RIPOR3: variants seen among roughly 807,000 people sequenced by gnomAD.
RIPOR3 encodes the protein family with sequence similarity 65 member C.
RIPOR3 carries 95 observed loss-of-function variants against 114.3 expected under a neutral mutation model. The ratio of observed to expected loss-of-function variants is 0.83; its 90% confidence interval spans 0.70 to 0.99. RIPOR3 has a LOEUF of 0.99. Ranked by LOEUF, RIPOR3 falls within the 50% of genes least tolerant of loss-of-function variation. RIPOR3 has a pLI of 0.00. For missense variants in RIPOR3, 1,252 were observed against 1,266.9 expected, an observed-to-expected ratio of 0.99 and a Z score of 0.18; for synonymous variants, 575 against 543.8, an observed-to-expected ratio of 1.06 and a Z score of -0.80.
At chr20:50,637,174 G>A (rs1038816960) in intron 1 of RIPOR3, among the ~76,000 whole-genome samples, 1 of 152,080 alleles carries the variant, frequency 6.6e-6, no homozygotes, top group African/African-American at 2.4e-5. Flanking sequence ...TCATTTTACC[G>A]ATGTCAAGAC....
chr20:50,687,656 C>G (rs1460441404), intron 1 of RIPOR3, among the ~76,000 whole-genome samples: 3 of 152,136 alleles, frequency 2.0e-5, no homozygotes, highest in Admixed American at 6.5e-5. Context: ...AATCCCAACA[C>G]TTTGGGAGGC....
At chr20:50,648,542 G>A (rs1362708142) in intron 1 of RIPOR3, among the ~76,000 whole-genome samples, 1 of 151,902 alleles carries the variant, frequency 6.6e-6, no homozygotes. Flanking sequence ...GGTGGTTTTG[G>A]GGTGATTCAA....
At chr20:50,642,838 C>CA (rs2085253547) in intron 1 of RIPOR3, among the ~76,000 whole-genome samples, 1 of 152,080 alleles carries the variant, frequency 6.6e-6, no homozygotes, top group Non-Finnish European at 1.5e-5. Context: ...CACCTGAGGT[C>CA]AGGAGTTCGA....
intron 1 of RIPOR3, chr20:50,661,878 G>A (rs2086008701): frequency 6.6e-6 from 1 of 152,490 alleles, no homozygotes; most frequent in African/African-American, 2.4e-5. Flanking sequence ...ACATTCACTC[G>A]ACAGGCAGGC....
chr20:50,615,955 C>A, intron 4 of RIPOR3, 47 bp downstream of exon 4: 1 of 1,556,476 alleles, frequency 6.4e-7, no homozygotes. Context: ...ATCTTTTACT[C>A]CTGGCCAAGG....
intron 3 of RIPOR3, among the ~76,000 whole-genome samples, chr20:50,618,541 C>T (rs182134876): frequency 6.6e-6 from 1 of 152,256 alleles, no homozygotes; most frequent in East Asian, 1.9e-4. Flanking sequence ...TCCAATGTCA[C>T]CTTCTTAGCA....
intron 1 of RIPOR3, among the ~76,000 whole-genome samples, chr20:50,668,830 C>T (rs2086351136): frequency 6.6e-6 from 1 of 151,748 alleles, no homozygotes; most frequent in Non-Finnish European, 1.5e-5. Context: ...GCCCTCCAGC[C>T]TGGGCAACAG....
intron 1 of RIPOR3, among the ~76,000 whole-genome samples, chr20:50,670,369 C>CCCCA (rs1361814826): frequency 2.1e-5 from 3 of 145,950 alleles, no homozygotes; most frequent in Non-Finnish European, 3.0e-5. Context: ...ACACCCCCAC[C>CCCCA]CCCACCCACC....
rs112931001 is a variant in RIPOR3, at chr20:50,665,722, T to C, written c.3+25404A>G. On this transcript the variant is annotated intron_variant, in intron 1 of 21. Transcript: ENST00000327979. Reference sequence around the variant, plus strand: ...GGCATGAGCCACTGTGCCTGCCGGGTGGGTTTCTTATGGCGAATGATCCCA... The same window carrying C: ...GGCATGAGCCACTGTGCCTGCCGGGCGGGTTTCTTATGGCGAATGATCCCA... Among the ~76,000 whole-genome samples the C allele has an allele frequency of 6.8e-3, 1,032 of 152,050 alleles. 22 individuals are homozygous for C. The highest frequency in any genetic ancestry group is 0.023 in the African/African-American group (968 of 41,480).
intron 1 of RIPOR3, among the ~76,000 whole-genome samples, chr20:50,661,779 T>G (rs939028365): frequency 6.6e-6 from 1 of 152,156 alleles, no homozygotes; most frequent in Non-Finnish European, 1.5e-5. Flanking sequence ...GAAGCTGGCC[T>G]GGGGCAGAGA....
At position 50,595,414 on chromosome 20, in the gene RIPOR3, C is replaced by A. The variant is rs934594238; in HGVS notation, c.2005G>T (p.Val669Phe). 1 of 1,614,188 alleles carries A rather than the reference C, an allele frequency of 6.2e-7. No individual in the cohort carries two copies. Among genetic ancestry groups the A allele is most frequent in the Non-Finnish European group, 8.5e-7 (1 of 1,180,024 alleles). Residue 669 changes from valine to phenylalanine, a missense_variant, in exon 16 of 22, where the codon GTC (valine) becomes TTC (phenylalanine). Transcript: ENST00000327979. The stretch of plus-strand genomic sequence containing the variant: ...TTGCCGACCTTCTCAAAGTCAAGGA[C>A]AGAAAGTGTCTCCAGAACGTGCTTT... ...QQKHVLETLS[V>F]LDFEKVGKAT...
At chr20:50,676,768 A>AAT (rs1568961079) in intron 1 of RIPOR3, among the ~76,000 whole-genome samples, 4 of 139,886 alleles carry the variant, frequency 2.9e-5, no homozygotes, top group Non-Finnish European at 1.5e-5. Context: ...TCCAGATTCT[A>AAT]CTTTTTTTTT....
chr20:50,676,976 A>G (rs948628837), intron 1 of RIPOR3, among the ~76,000 whole-genome samples: 9 of 152,146 alleles, frequency 5.9e-5, no homozygotes, highest in South Asian at 2.1e-4. Context: ...CATTGTGCCA[A>G]TGTCTGGAAG....
chr20:50,655,630 T>G (rs2085781698), intron 1 of RIPOR3, among the ~76,000 whole-genome samples: 1 of 152,060 alleles, frequency 6.6e-6, no homozygotes, highest in Non-Finnish European at 1.5e-5. Flanking sequence ...TTTTGGCTAC[T>G]GCTGGGTTTT....
intron 13 of RIPOR3, among the ~76,000 whole-genome samples, chr20:50,598,208 C>T (rs902373174): frequency 2.0e-5 from 3 of 150,916 alleles, no homozygotes; most frequent in Admixed American, 6.6e-5. Flanking sequence ...CGCTTCTTCA[C>T]GAGGCTCAGA....
At position 50,610,888 on chromosome 20, in the gene RIPOR3, T is replaced by C. The variant is rs1191883783; in HGVS notation, c.391A>G (p.Arg131Gly). The C allele has an allele frequency of 1.9e-6, 3 of 1,614,082 alleles. No individual in the cohort carries two copies. Among genetic ancestry groups the C allele is most frequent in the East Asian group, 2.2e-5 (1 of 44,888 alleles). Residue 131 changes from arginine (R) to glycine (G), a missense_variant, in exon 6 of 22, where the codon AGG (arginine) becomes GGG (glycine). Arg to Gly is a moderately radical substitution (Grantham distance 125). Transcript: ENST00000327979. ...DLDKQTRCVE[R>G]HIRKMEFHIS... ...TGAAACTCCATCTTCCGAATGTGCC[T>C]TTCCACACAGCGCGTTTGCTTCTCC...
At chr20:50,623,449 G>C (rs1368444818) in intron 2 of RIPOR3, among the ~76,000 whole-genome samples, 1 of 152,036 alleles carries the variant, frequency 6.6e-6, no homozygotes, top group Non-Finnish European at 1.5e-5. Flanking sequence ...AGCAAAGGTG[G>C]AGAATGGGAC....
chr20:50,616,523 A>G (rs2084178410), intron 3 of RIPOR3, among the ~76,000 whole-genome samples: 1 of 151,882 alleles, frequency 6.6e-6, no homozygotes, highest in East Asian at 1.9e-4. Context: ...TTGTATTTTT[A>G]GTAGAGATGG....
chr20:50,642,970 C>G (rs2085259454), intron 1 of RIPOR3, among the ~76,000 whole-genome samples: 1 of 151,986 alleles, frequency 6.6e-6, no homozygotes, highest in Non-Finnish European at 1.5e-5. Flanking sequence ...ATTGCTTGAA[C>G]CCGGGAGGCA....
Sources: allele counts gnomAD v4.1 joint callset (sites outside exome capture counted in the v4.1 genomes callset), GRCh38; gene constraint gnomAD v4.1.1; transcripts MANE v1.5; gene names NCBI Gene and HGNC (gene_info 2026-07-23, HGNC 2026-07-21).